The following LRRC71 variants were observed in gnomAD, a reference collection of about 807,000 sequenced individuals.
The protein encoded by LRRC71 is leucine-rich repeat-containing protein 71.
LRRC71 carries 54 observed loss-of-function variants against 66.6 expected under a neutral mutation model. The observed-to-expected ratio is 0.81, with a 90% CI of 0.65 to 1.02. The LOEUF is 1.02. Among genes scored for constraint, LRRC71 ranks in the 50% least tolerant of loss-of-function variants. The pLI, the probability that LRRC71 is intolerant of heterozygous loss-of-function variation, is 0.00. For synonymous variants in LRRC71, 323 were observed against 303.9 expected, an observed-to-expected ratio of 1.06 and a Z score of -0.65; for missense variants, 724 against 718.0, an observed-to-expected ratio of 1.01 and a Z score of -0.10.
At chr1:156,929,578 C>T in intron 10 of LRRC71, 58 bp from the exon 11 acceptor site, 1 of 1,542,306 alleles carries the variant, frequency 6.5e-7, no homozygotes, top group Non-Finnish European at 8.8e-7. Context: ...CCTTCCCTCA[C>T]CACTGCCCAT....
chr1:156,932,493 A>G lies in LRRC71; in HGVS notation c.1511A>G (p.Lys504Arg), dbSNP rs947475351. The G allele has an allele frequency of 6.2e-7, 1 of 1,613,926 alleles. No homozygotes were observed. The highest frequency in any genetic ancestry group is 1.1e-5 in the South Asian group (1 of 91,076). ...ATVQYQMQFS[K>R]AKSASKGPVG... ...GTGCAGTATCAGATGCAGTTCTCCA[A>G]GGCCAAGAGTGCATCCAAGGGTCCA... Residue 504 changes from lysine to arginine, a missense_variant, in exon 14 of 15, where the codon AAG (lysine) becomes AGG (arginine). Transcript: ENST00000337428.
chr1:156,934,877 A>C (rs1323809682), downstream of LRRC71: 1 of 151,024 alleles, frequency 6.6e-6, no homozygotes, highest in Non-Finnish European at 1.5e-5. Context: ...AAAAATCTTA[A>C]CCATGAAAGG....
intron 11 of LRRC71, among the ~76,000 whole-genome samples, chr1:156,930,093 C>CTTTTCTTTCTT (rs1571069635): frequency 5.9e-4 from 34 of 57,668 alleles, no homozygotes; most frequent in Non-Finnish European, 8.1e-4. Context: ...TTCTTTCTTT[C>CTTTTCTTTCTT]TCTCTCTTTT....
At chr1:156,933,309 T>C (rs1162465790), downstream of LRRC71, among the ~76,000 whole-genome samples, 1 of 152,234 alleles carries the variant, frequency 6.6e-6, no homozygotes, top group East Asian at 1.9e-4. Context: ...CCCCACCGTG[T>C]TCCCTAGGGG....
At chr1:156,921,325 C>T (rs539342484) in intron 1 of LRRC71, among the ~76,000 whole-genome samples, 13 of 152,262 alleles carry the variant, frequency 8.5e-5, no homozygotes, top group African/African-American at 2.9e-4. Flanking sequence ...CGGAGGAGAA[C>T]GAGGTGGACA....
chr1:156,939,396 T>C, the LRRC71 span: 2 of 1,024,192 alleles, frequency 2.0e-6, no homozygotes, highest in Non-Finnish European at 2.9e-6. Context: ...GCCTGCCTGA[T>C]ATCGGCGTTG....
At chr1:156,937,049 C>T (rs1655550803), downstream of LRRC71, 2 of 1,597,128 alleles carry the variant, frequency 1.3e-6, no homozygotes, top group East Asian at 2.2e-5. Context: ...TCCTTCTATT[C>T]CTAAGGCCCC....
At chr1:156,925,055 G>A (rs928580188) in intron 5 of LRRC71, 40 bp downstream of exon 5, 2 of 1,546,214 alleles carry the variant, frequency 1.3e-6, no homozygotes, top group African/African-American at 1.4e-5. Flanking sequence ...GGGAAGCCTG[G>A]CTGGGCGGGT....
downstream of LRRC71, chr1:156,937,455 A>G (rs138935998): frequency 1.3e-4 from 195 of 1,546,976 alleles, no homozygotes; most frequent in African/African-American, 2.5e-3. Context: ...TCGGTGCTTG[A>G]GTCCGGGGGT....
chr1:156,928,394 TCTTC>T (rs1316594418), intron 9 of LRRC71, among the ~76,000 whole-genome samples: 1 of 140,448 alleles, frequency 7.1e-6, no homozygotes, highest in Non-Finnish European at 1.5e-5. Context: ...TTCTTCTTCT[TCTTC>T]TTCTTCTTCC....
chr1:156,940,228 C>A, the LRRC71 span: 1 of 1,592,706 alleles, frequency 6.3e-7, no homozygotes, highest in Non-Finnish European at 8.6e-7. Context: ...GCGGAGTCAG[C>A]GAGCCCTTCC....
chr1:156,930,428 T>C (rs1344358373), intron 11 of LRRC71, 101 bp from the exon 12 acceptor site: 7 of 1,021,976 alleles, frequency 6.8e-6, no homozygotes, highest in Non-Finnish European at 1.0e-5. Context: ...AAACCCAAAG[T>C]TGGGGGGTCT....
intron 2 of LRRC71, 88 bp downstream of exon 2, chr1:156,924,186 C>G: frequency 7.0e-7 from 1 of 1,429,578 alleles, no homozygotes; most frequent in Non-Finnish European, 9.5e-7. Flanking sequence ...AATGGAGGGA[C>G]GCGGGGCGGT....
the LRRC71 span, chr1:156,940,250 G>A: frequency 1.9e-6 from 3 of 1,609,046 alleles, no homozygotes; most frequent in Non-Finnish European, 2.5e-6. Context: ...TGAACAGAGG[G>A]CCTGGGAAGG....
At chr1:156,924,742 CG>C (rs1557782984) in intron 4 of LRRC71, 24 bp downstream of exon 4, 3 of 1,548,270 alleles carry the variant, frequency 1.9e-6, no homozygotes, top group Admixed American at 3.9e-5. Context: ...AGGGGATGGG[CG>C]GGGGACCAGA....
chr1:156,936,491 A>AT (rs1553192701), downstream of LRRC71, among the ~76,000 whole-genome samples: 1 of 71,384 alleles, frequency 1.4e-5, no homozygotes, highest in African/African-American at 6.1e-5. Context: ...AAAAAAAAAA[A>AT]AAAAAAATAT....
At position 156,920,884 on chromosome 1, in the gene LRRC71, C is replaced by CA; in HGVS notation, c.86dup (p.Glu31ArgfsTer24). 1 of 1,540,188 alleles carries CA rather than the reference C, an allele frequency of 6.5e-7. No individual in the cohort carries two copies. The highest frequency in any genetic ancestry group is 8.8e-7 in the Non-Finnish European group (1 of 1,142,756). ...CCCAGAAGTCTTCTGGCGCGGTGAC[C>CA]AAAAAGGGAGAGCGCGCGGCCAAAG... On this transcript the variant is annotated frameshift_variant, in exon 1 of 15. Coordinates refer to ENST00000337428, the MANE Select transcript of LRRC71 (RefSeq NM_144702.3). LOFTEE classifies it high-confidence loss of function. The surrounding 1 kb of genome is among the most constrained non-coding windows in gnomAD (Gnocchi z 4.9).
chr1:156,939,827 C>T, the LRRC71 span: 26 of 1,613,226 alleles, frequency 1.6e-5, no homozygotes, highest in African/African-American at 1.5e-4. Context: ...GGTGTCAGGT[C>T]GTCCTCGGGC....
intron 5 of LRRC71, among the ~76,000 whole-genome samples, chr1:156,925,359 C>T (rs1035597773): frequency 1.3e-5 from 2 of 152,202 alleles, no homozygotes; most frequent in South Asian, 2.1e-4. Flanking sequence ...TGGTAAGAAA[C>T]AGTTCTTATC....
Sources: gnomAD v4.1 joint callset for allele counts (sites outside exome capture counted in the v4.1 genomes callset) on GRCh38, gnomAD v4.1.1 for gene constraint, Gnocchi (gnomAD v3.1) non-coding constraint, MANE v1.5 for transcripts, NCBI Gene and HGNC (gene_info 2026-07-23, HGNC 2026-07-21) for gene names.